The following MNAT1 variants were observed in gnomAD, a reference collection of about 807,000 sequenced individuals.
MNAT1 encodes the protein CDK-activating kinase assembly factor MAT1.
Under a neutral mutation model 42.0 loss-of-function variants are expected in MNAT1, and 43 were observed. The observed-to-expected ratio is 1.02, with a 90% CI of 0.80 to 1.32. MNAT1 has a LOEUF of 1.32. Ranked by LOEUF, MNAT1 falls within the 40% of genes most tolerant of loss-of-function variation. The pLI is 0.00. For synonymous variants in MNAT1, 118 were observed against 120.0 expected, an observed-to-expected ratio of 0.98 and a Z score of 0.11; for missense variants, 306 against 350.4, an observed-to-expected ratio of 0.87 and a Z score of 1.01.
At chr14:60,795,326 G>A (rs532798972) in intron 1 of MNAT1, among the ~76,000 whole-genome samples, 50 of 152,060 alleles carry the variant, frequency 3.3e-4, no homozygotes, top group Non-Finnish European at 5.3e-4. Context: ...TGGATCTGTT[G>A]GGGTAGGGCA....
At chr14:60,808,461 C>G in intron 4 of MNAT1, 33 bp downstream of exon 4, 2 of 1,281,862 alleles carry the variant, frequency 1.6e-6, no homozygotes, top group Non-Finnish European at 1.1e-6. Context: ...CTTATTTTGT[C>G]TTAGAAACAA....
At chr14:60,888,503 C>CA (rs1266000634) in intron 7 of MNAT1, among the ~76,000 whole-genome samples, 1 of 151,936 alleles carries the variant, frequency 6.6e-6, no homozygotes, top group Non-Finnish European at 1.5e-5. Flanking sequence ...ACAGAATGGA[C>CA]AAAAAATGGA....
intron 6 of MNAT1, among the ~76,000 whole-genome samples, chr14:60,869,076 G>A (rs1445455437): frequency 1.8e-5 from 2 of 111,342 alleles, no homozygotes; most frequent in African/African-American, 6.4e-5. Context: ...GTCTCGCTCT[G>A]TTGCCAGGCT....
chr14:60,878,753 G>C (rs766550787), intron 6 of MNAT1, among the ~76,000 whole-genome samples: 1 of 152,056 alleles, frequency 6.6e-6, no homozygotes, highest in African/African-American at 2.4e-5. Flanking sequence ...ACATTGCTTT[G>C]ATTGTTTTTG....
chr14:60,743,738 A>G (rs1365222714), intron 1 of MNAT1, among the ~76,000 whole-genome samples: 1 of 152,228 alleles, frequency 6.6e-6, no homozygotes, highest in African/African-American at 2.4e-5. Flanking sequence ...CATACAAAAG[A>G]TATCATTTCA....
At chr14:60,822,918 G>A (rs748766121) in intron 6 of MNAT1, among the ~76,000 whole-genome samples, 21 of 151,872 alleles carry the variant, frequency 1.4e-4, no homozygotes, top group Non-Finnish European at 2.2e-4. Context: ...CACCACACCC[G>A]GCTATTTTTT....
At chr14:60,859,225 T>G (rs1321308123) in intron 6 of MNAT1, among the ~76,000 whole-genome samples, 1 of 152,234 alleles carries the variant, frequency 6.6e-6, no homozygotes, top group African/African-American at 2.4e-5. Flanking sequence ...CTTGCCTATT[T>G]TGGTGCTTTG....
At chr14:60,797,313 T>C (rs2032050485) in intron 2 of MNAT1, among the ~76,000 whole-genome samples, 1 of 152,126 alleles carries the variant, frequency 6.6e-6, no homozygotes, top group Non-Finnish European at 1.5e-5. Flanking sequence ...TACTGATTCT[T>C]TACAGGTACA....
chr14:60,926,161 A>C (rs547732231), intron 7 of MNAT1, among the ~76,000 whole-genome samples: 1 of 152,276 alleles, frequency 6.6e-6, no homozygotes, highest in African/African-American at 2.4e-5. Context: ...CTACCCACAA[A>C]GAGTTGTTGA....
chr14:60,741,445 C>T (rs529891879), intron 1 of MNAT1, among the ~76,000 whole-genome samples: 13 of 151,992 alleles, frequency 8.6e-5, no homozygotes, highest in African/African-American at 1.9e-4. Flanking sequence ...CGGCAAGCTC[C>T]GCCTCCCAGG....
At chr14:60,819,058 G>C (rs999569944) in intron 6 of MNAT1, among the ~76,000 whole-genome samples, 1 of 151,986 alleles carries the variant, frequency 6.6e-6, no homozygotes, top group Non-Finnish European at 1.5e-5. Flanking sequence ...TTTTGTATGT[G>C]AATTGGGTTT....
intron 1 of MNAT1, among the ~76,000 whole-genome samples, chr14:60,762,483 C>G (rs966553324): frequency 1.6e-4 from 25 of 151,860 alleles, no homozygotes; most frequent in African/African-American, 5.8e-4. Context: ...AGTTCGAGAC[C>G]AGCCTGGCCC....
intron 1 of MNAT1, among the ~76,000 whole-genome samples, chr14:60,788,270 T>G (rs2031713320): frequency 6.6e-6 from 1 of 152,120 alleles, no homozygotes; most frequent in Non-Finnish European, 1.5e-5. Flanking sequence ...GAAGGAATCT[T>G]TTTTTCCGAG....
intron 7 of MNAT1, among the ~76,000 whole-genome samples, chr14:60,943,847 G>A (rs1164196451): frequency 1.3e-5 from 2 of 152,116 alleles, no homozygotes; most frequent in Non-Finnish European, 2.9e-5. Context: ...ATGGAGCCCT[G>A]CCTTCTCAAG....
chr14:60,887,903 A>T (rs1248016040), intron 7 of MNAT1, among the ~76,000 whole-genome samples: 6 of 151,686 alleles, frequency 4.0e-5, no homozygotes, highest in Non-Finnish European at 8.8e-5. Context: ...ACCAGGAAGA[A>T]GTTGAATCTC....
At chr14:60,791,674 T>C (rs17097788) in intron 1 of MNAT1, among the ~76,000 whole-genome samples, 10,402 of 152,218 alleles carry the variant, frequency 0.068, 1,196 homozygotes, top group African/African-American at 0.24. Flanking sequence ...CCGTGGCTAA[T>C]TGGCTTGAAA....
intron 1 of MNAT1, among the ~76,000 whole-genome samples, chr14:60,769,252 A>G (rs2030958871): frequency 6.6e-6 from 1 of 152,132 alleles, no homozygotes; most frequent in African/African-American, 2.4e-5. Context: ...TGTATACATT[A>G]TATATTTGTG....
chr14:60,857,288 C>A (rs1477737838), intron 6 of MNAT1, among the ~76,000 whole-genome samples: 1 of 152,120 alleles, frequency 6.6e-6, no homozygotes, highest in South Asian at 2.1e-4. Context: ...TAATTCCAAC[C>A]CCCATGGAAG....
At chr14:60,946,775 C>T (rs2036284956) in intron 7 of MNAT1, among the ~76,000 whole-genome samples, 2 of 152,154 alleles carry the variant, frequency 1.3e-5, no homozygotes, top group Admixed American at 6.5e-5. Context: ...TAGGATTTAA[C>T]ATCAAATGTT....
Sources: gnomAD v4.1 joint callset for allele counts (sites outside exome capture counted in the v4.1 genomes callset) on GRCh38, gnomAD v4.1.1 for gene constraint, MANE v1.5 for transcripts, NCBI Gene and HGNC (gene_info 2026-07-23, HGNC 2026-07-21) for gene names.